ADGRV1: variants seen among roughly 807,000 people sequenced by gnomAD.
ADGRV1 encodes G-protein coupled receptor 98.
A neutral mutation model predicts 596.2 loss-of-function variants in ADGRV1; 359 were observed. The ratio of observed to expected loss-of-function variants is 0.60; its 90% CI spans 0.55 to 0.66. The LOEUF is 0.66. Ranked by LOEUF, ADGRV1 falls within the 30% of genes least tolerant of loss-of-function variation. The pLI, the probability that ADGRV1 is intolerant of heterozygous loss-of-function variation, is 0.00. For synonymous variants in ADGRV1, 2,681 were observed against 2,679.2 expected, an observed-to-expected ratio of 1.00 and a Z score of -0.02; for missense variants, 7,274 against 7,575.6, an observed-to-expected ratio of 0.96 and a Z score of 1.48.
intron 42 of ADGRV1, among the ~76,000 whole-genome samples, chr5:90,714,280 T>G (rs914190240): frequency 2.6e-5 from 4 of 152,038 alleles, no homozygotes; most frequent in African/African-American, 7.2e-5. Context: ...TGGTTTGTTT[T>G]TTTTTTACTT....
chr5:90,592,488 G>A (rs1478304446), intron 1 of ADGRV1, among the ~76,000 whole-genome samples: 6 of 152,182 alleles, frequency 3.9e-5, no homozygotes, highest in African/African-American at 1.2e-4. Flanking sequence ...AAGACTACAC[G>A]TTGGGTTTAA....
At chr5:90,644,557 T>C (rs2149435619) in intron 14 of ADGRV1, 149 bp from the exon 15 acceptor site, 1 of 604,850 alleles carries the variant, frequency 1.7e-6, no homozygotes, top group East Asian at 3.0e-5. Flanking sequence ...TATTTTTATA[T>C]GTACCTTAAA....
chr5:90,716,735 G>C lies in ADGRV1; in HGVS notation c.9447+6G>C. ...AAGAAGGTGTTCGATTCAAGGTACA[G>C]TAAGAAGCTTTAATGAGAATGGAAG... On this transcript the variant is annotated splice_donor_region_variant and intron_variant, in intron 43 of 89. Transcript: ENST00000405460. 2 of 1,602,644 alleles carry C rather than the reference G, an allele frequency of 1.2e-6. No individual in the cohort carries two copies. Among genetic ancestry groups the C allele is most frequent in the East Asian group, 2.2e-5 (1 of 44,796 alleles).
At chr5:90,733,789 T>A (rs1015188749) in intron 50 of ADGRV1, among the ~76,000 whole-genome samples, 1 of 152,210 alleles carries the variant, frequency 6.6e-6, no homozygotes, top group African/African-American at 2.4e-5. Flanking sequence ...TTTGTGATGA[T>A]ACAGTTGAAA....
At chr5:90,821,175 A>G (rs1263043852) in intron 75 of ADGRV1, among the ~76,000 whole-genome samples, 4 of 150,896 alleles carry the variant, frequency 2.7e-5, no homozygotes, top group Admixed American at 6.6e-5. Context: ...TTCATCTTCC[A>G]TTGCTGATAC....
At chr5:90,719,201 G>A (rs1750577356) in intron 43 of ADGRV1, among the ~76,000 whole-genome samples, 1 of 151,994 alleles carries the variant, frequency 6.6e-6, no homozygotes, top group Non-Finnish European at 1.5e-5. Flanking sequence ...GTAGTGGTGT[G>A]TACCTGAATG....
intron 77 of ADGRV1, among the ~76,000 whole-genome samples, chr5:90,837,396 A>G (rs575584727): frequency 3.8e-4 from 53 of 140,390 alleles, no homozygotes; most frequent in African/African-American, 1.4e-3. Context: ...TTTGAGATGG[A>G]GTCTTGCCCT....
chr5:91,164,285 T>C lies in ADGRV1; in HGVS notation c.*385T>C, dbSNP rs891059292. 7 of 309,416 alleles carry C rather than the reference T, an allele frequency of 2.3e-5. No individual in the cohort carries two copies. Among genetic ancestry groups the C allele is most frequent in the African/African-American group, 1.5e-4 (7 of 45,922 alleles). 19.2% of individuals were successfully genotyped at this position (309,416 alleles called of 1,614,324 possible). A position where few individuals can be genotyped will look rare whatever the true frequency, so the allele number is the denominator to read the frequency against. On this transcript the variant is annotated 3_prime_UTR_variant, in exon 90 of 90. Coordinates refer to ENST00000405460, the MANE Select transcript of ADGRV1 (RefSeq NM_032119.4). ...ATGGGCAAAAAAAGCTAACTCTATA[T>C]GTAGATGATGACAAGCACCCTGTGC... is the stretch of plus-strand genomic sequence containing the variant.
At chr5:90,632,943 A>G (rs1023590269) in intron 9 of ADGRV1, among the ~76,000 whole-genome samples, 1 of 152,230 alleles carries the variant, frequency 6.6e-6, no homozygotes, top group Non-Finnish European at 1.5e-5. Context: ...TGCATAGTAC[A>G]TAATGGATGA....
At chr5:90,809,327 C>CACACACACAT (rs1554124350) in intron 73 of ADGRV1, among the ~76,000 whole-genome samples, 1 of 151,736 alleles carries the variant, frequency 6.6e-6, no homozygotes, top group African/African-American at 2.4e-5. Context: ...CACACACACA[C>CACACACACAT]GCTCTGTCTC....
intron 83 of ADGRV1, among the ~76,000 whole-genome samples, chr5:90,908,168 T>G (rs1772498500): frequency 6.6e-6 from 1 of 152,190 alleles, no homozygotes; most frequent in South Asian, 2.1e-4. Context: ...GCCAGTAAAT[T>G]AATGTTACGA....
rs547446286 is a variant in ADGRV1 at position 90,874,767 on chromosome 5, C to T, written c.17856+10910C>T. ...CAGCTTCTCGGGAGGCTGAGGCAGG[C>T]GAATGGCGTGAACCCAGGAGGCGGA... is the stretch of plus-strand genomic sequence containing the variant. On this transcript the variant is annotated intron_variant, in intron 83 of 89. Coordinates refer to ENST00000405460, the MANE Select transcript of ADGRV1 (RefSeq NM_032119.4). Among the ~76,000 whole-genome samples the T allele has an allele frequency of 5.3e-5, 8 of 151,570 alleles. No homozygotes were observed. In the East Asian group the frequency reaches 7.8e-4, roughly 15 times the overall value.
In ADGRV1 at chr5:90,729,686, T is replaced by C. The variant is rs1337101422; in HGVS notation, c.10471T>C (p.Ser3491Pro). 3 of 1,606,328 alleles carry C rather than the reference T, an allele frequency of 1.9e-6. No individual in the cohort carries two copies. The highest frequency in any genetic ancestry group is 1.3e-5 in the African/African-American group (1 of 74,920). Residue 3491 changes from serine (S) to proline (P), a missense_variant, in exon 50 of 90, where the codon TCT (serine) becomes CCT (proline). Ser to Pro is a moderately conservative substitution (Grantham distance 74). Coordinates refer to ENST00000405460, the MANE Select transcript of ADGRV1 (RefSeq NM_032119.4). ...IDIFIWEMGQSSFRYFQSVDF... is the reference protein window; with the variant it reads ...IDIFIWEMGQPSFRYFQSVDF... The stretch of plus-strand genomic sequence containing the variant: ...TATTTTCATCTGGGAGATGGGACAG[T>C]CTTCCTTCAGGTATTTTCAGTCTGT...
At chr5:90,822,925 CTGTT>C (rs1252962780) in intron 75 of ADGRV1, among the ~76,000 whole-genome samples, 9 of 152,092 alleles carry the variant, frequency 5.9e-5, no homozygotes, top group Admixed American at 5.9e-4. Context: ...ATTTGGCTCT[CTGTT>C]TGTCTGTTAT....
chr5:90,908,150 C>A (rs1263480299), intron 83 of ADGRV1, among the ~76,000 whole-genome samples: 3 of 152,010 alleles, frequency 2.0e-5, no homozygotes, highest in African/African-American at 7.3e-5. Flanking sequence ...CGTTTCAGGC[C>A]GGAATTTGCC....
At chr5:90,881,761 A>G (rs1005673098) in intron 83 of ADGRV1, among the ~76,000 whole-genome samples, 3 of 152,084 alleles carry the variant, frequency 2.0e-5, no homozygotes, top group Non-Finnish European at 2.9e-5. Flanking sequence ...ATCTTGCTCT[A>G]TTGGTCAGGC....
chr5:91,134,444 T>G, intron 87 of ADGRV1, among the ~76,000 whole-genome samples: 1 of 152,158 alleles, frequency 6.6e-6, no homozygotes, highest in East Asian at 1.9e-4. Flanking sequence ...CCTGCCAGCC[T>G]GGACCTCCCA....
chr5:90,929,448 C>T (rs1339446000), intron 83 of ADGRV1: 1 of 152,648 alleles, frequency 6.6e-6, no homozygotes, highest in Non-Finnish European at 1.5e-5. Flanking sequence ...TCCCTGACCC[C>T]TTGCGCTTCC....
Position 90,853,404 on chromosome 5 carries a change from G to C in ADGRV1, c.17325G>C (p.Glu5775Asp). 6.2e-7 allele frequency: 1 copy of C among 1,613,534 alleles called. No individual in the cohort carries two copies. The highest frequency in any genetic ancestry group is 1.1e-5 in the South Asian group (1 of 91,048). Residue 5775 changes from glutamate (E) to aspartate (D), a missense_variant, in exon 80 of 90, where the codon GAG becomes GAC. Coordinates refer to ENST00000405460, the MANE Select transcript of ADGRV1 (RefSeq NM_032119.4). Reference protein sequence around the residue: ...GKEGDYIRIPERLLDVQDAEI... With the variant: ...GKEGDYIRIPDRLLDVQDAEI... Reference sequence around the variant, plus strand: ...AAGGAGATTACATTCGAATTCCAGAGAGGCTACTGGATGTCCAGGATGCAG... The same window carrying C: ...AAGGAGATTACATTCGAATTCCAGACAGGCTACTGGATGTCCAGGATGCAG...
Sources: allele counts gnomAD v4.1 joint callset (sites outside exome capture counted in the v4.1 genomes callset), GRCh38; gene constraint gnomAD v4.1.1; transcripts MANE v1.5; gene names NCBI Gene and HGNC (gene_info 2026-07-23, HGNC 2026-07-21).